The following SGCZ variants were observed in gnomAD, a reference collection of about 807,000 sequenced individuals.
SGCZ encodes the protein zeta-sarcoglycan.
SGCZ carries 40 observed loss-of-function variants against 41.3 expected under a neutral mutation model. The observed-to-expected ratio is 0.97, with a 90% CI of 0.75 to 1.26. SGCZ has a LOEUF of 1.26. SGCZ is among the 50% of genes most tolerant of loss of function. SGCZ has a pLI of 0.00. For missense variants in SGCZ, 552 were observed against 369.8 expected, an observed-to-expected ratio of 1.49 and a Z score of -4.04; for synonymous variants, 206 against 137.5, an observed-to-expected ratio of 1.50 and a Z score of -3.49.
intron 1 of SGCZ, among the ~76,000 whole-genome samples, chr8:14,581,417 G>C (rs965466736): frequency 4.0e-5 from 6 of 151,670 alleles, no homozygotes; most frequent in Non-Finnish European, 7.4e-5. Context: ...CCCGGCCTTT[G>C]CTTACTATGT....
intron 2 of SGCZ, among the ~76,000 whole-genome samples, chr8:14,541,953 C>G (rs1253115475): frequency 6.6e-6 from 1 of 152,160 alleles, no homozygotes; most frequent in Non-Finnish European, 1.5e-5. Context: ...CTGTTCATAT[C>G]CTTTGCTCAC....
intron 1 of SGCZ, among the ~76,000 whole-genome samples, chr8:14,774,393 G>A (rs192426431): frequency 1.2e-4 from 19 of 152,054 alleles, no homozygotes; most frequent in African/African-American, 3.1e-4. Flanking sequence ...AACATACTCC[G>A]CAACAGGCTA....
intron 1 of SGCZ, among the ~76,000 whole-genome samples, chr8:15,173,206 CAT>C (rs1375630616): frequency 6.6e-6 from 1 of 152,126 alleles, no homozygotes; most frequent in African/African-American, 2.4e-5. Context: ...TAATAAAAAA[CAT>C]ATAACATGGA....
intron 1 of SGCZ, among the ~76,000 whole-genome samples, chr8:14,589,988 G>C (rs1202055421): frequency 6.6e-6 from 1 of 152,072 alleles, no homozygotes; most frequent in African/African-American, 2.4e-5. Flanking sequence ...CCAACTCTTT[G>C]CCCTACGGAG....
intron 2 of SGCZ, among the ~76,000 whole-genome samples, chr8:14,345,119 G>T (rs552212013): frequency 1.3e-5 from 2 of 152,128 alleles, no homozygotes; most frequent in African/African-American, 2.4e-5. Flanking sequence ...TTAAGCCAAT[G>T]AACTGAAATG....
At chr8:14,308,260 G>A (rs897396571) in intron 3 of SGCZ, among the ~76,000 whole-genome samples, 1 of 152,040 alleles carries the variant, frequency 6.6e-6, no homozygotes, top group Non-Finnish European at 1.5e-5. Context: ...AAACTATAAT[G>A]AAAGCGCACG....
At chr8:14,145,272 C>T (rs1803486957) in intron 5 of SGCZ, among the ~76,000 whole-genome samples, 2 of 152,098 alleles carry the variant, frequency 1.3e-5, no homozygotes, top group Non-Finnish European at 2.9e-5. Flanking sequence ...TAACAAGAGT[C>T]TCTGCCTGGT....
chr8:15,129,402 C>T (rs558506664), intron 1 of SGCZ, among the ~76,000 whole-genome samples: 2 of 152,252 alleles, frequency 1.3e-5, no homozygotes, highest in South Asian at 4.2e-4. Context: ...TCATTCAATT[C>T]ATAACATTTT....
At chr8:14,397,485 G>C (rs7815329) in intron 2 of SGCZ, among the ~76,000 whole-genome samples, 25,784 of 151,960 alleles carry the variant, frequency 0.17, 5,182 homozygotes, top group African/African-American at 0.48. Flanking sequence ...AGCTGTGATA[G>C]TGTCCAAGTT....
intron 1 of SGCZ, among the ~76,000 whole-genome samples, chr8:14,904,361 T>A (rs539177083): frequency 1.3e-5 from 2 of 151,954 alleles, no homozygotes; most frequent in Non-Finnish European, 2.9e-5. Context: ...AACATCTCAA[T>A]CCTTTCCAAA....
At chr8:14,689,589 T>C (rs930532007) in intron 1 of SGCZ, among the ~76,000 whole-genome samples, 2 of 152,134 alleles carry the variant, frequency 1.3e-5, no homozygotes, top group African/African-American at 4.8e-5. Context: ...CTAGATTTAG[T>C]GAATTATATT....
chr8:14,145,620 G>A (rs1016532473), intron 5 of SGCZ, among the ~76,000 whole-genome samples: 12 of 152,072 alleles, frequency 7.9e-5, no homozygotes, highest in African/African-American at 2.4e-4. Context: ...CTTGGAGAAC[G>A]GTCACACGTA....
chr8:14,994,270 T>A (rs910239712), intron 1 of SGCZ, among the ~76,000 whole-genome samples: 1 of 152,134 alleles, frequency 6.6e-6, no homozygotes, highest in Non-Finnish European at 1.5e-5. Flanking sequence ...GTTCCACATT[T>A]ATTTGTGTGA....
At position 14,926,371 on chromosome 8, in the gene SGCZ, C is replaced by G. The variant is rs1005474235; in HGVS notation, c.39+311214G>C. Among the ~76,000 whole-genome samples, 3 of 152,214 alleles carry G rather than the reference C, an allele frequency of 2.0e-5. No homozygotes were observed. In the South Asian group the frequency reaches 6.2e-4, roughly 32 times the overall value. On this transcript the variant is annotated intron_variant, in intron 1 of 7. Coordinates refer to ENST00000382080, the MANE Select transcript of SGCZ (RefSeq NM_139167.4). ...CTAAACTATGTTGATAAGGTAAATA[C>G]TTATAGAACCATCAATGTTAAAAAT...
At chr8:14,980,826 A>G (rs1801637188) in intron 1 of SGCZ, among the ~76,000 whole-genome samples, 1 of 151,888 alleles carries the variant, frequency 6.6e-6, no homozygotes, top group African/African-American at 2.4e-5. Context: ...GAGCCAAACC[A>G]TATCACTATC....
chr8:15,006,792 T>G (rs745814100), intron 1 of SGCZ, among the ~76,000 whole-genome samples: 25 of 152,160 alleles, frequency 1.6e-4, no homozygotes, highest in South Asian at 8.3e-4. Flanking sequence ...CTGTCTCCCA[T>G]GTTTGAACCT....
chr8:15,100,569 G>A (rs1806568540), intron 1 of SGCZ, among the ~76,000 whole-genome samples: 1 of 152,122 alleles, frequency 6.6e-6, no homozygotes, highest in Admixed American at 6.6e-5. Context: ...GAAATCACCA[G>A]TGGATTATTT....
chr8:15,039,991 A>C (rs1201414408), intron 1 of SGCZ, among the ~76,000 whole-genome samples: 1 of 152,188 alleles, frequency 6.6e-6, no homozygotes, highest in South Asian at 2.1e-4. Context: ...AACACATTTA[A>C]TTTGCAAAAA....
At chr8:15,016,523 C>A (rs974729119) in intron 1 of SGCZ, among the ~76,000 whole-genome samples, 4 of 152,162 alleles carry the variant, frequency 2.6e-5, no homozygotes, top group Non-Finnish European at 5.9e-5. Flanking sequence ...GCGACTTCTT[C>A]CAGGGGCGTA....
Sources: gnomAD v4.1 joint callset for allele counts (sites outside exome capture counted in the v4.1 genomes callset) on GRCh38, gnomAD v4.1.1 for gene constraint, MANE v1.5 for transcripts, NCBI Gene and HGNC (gene_info 2026-07-23, HGNC 2026-07-21) for gene names.